The following CRKL variants were observed in gnomAD, a reference collection of about 807,000 sequenced individuals.
CRKL encodes crk-like protein.
A neutral mutation model predicts 23.0 loss-of-function variants in CRKL; 3 were observed. That is an observed-to-expected ratio of 0.13 (90% CI 0.06 to 0.34). The LOEUF (loss-of-function observed/expected upper bound fraction) is 0.34, where lower values mean the gene tolerates loss of function less well. CRKL is among the 10% of genes least tolerant of loss of function. The pLI, the probability that CRKL is intolerant of heterozygous loss-of-function variation, is 1.00. For synonymous variants in CRKL, 188 were observed against 160.7 expected (o/e 1.17, Z -1.28); for missense variants, 256 against 394.5 (o/e 0.65, Z 2.97).
intron 1 of CRKL, among the ~76,000 whole-genome samples, chr22:20,930,680 C>CTT (rs151090592): frequency 5.2e-4 from 25 of 48,050 alleles, no homozygotes; most frequent in Admixed American, 2.1e-3. Flanking sequence ...ACACGCCTGG[C>CTT]TTTTTTTTTT....
intron 1 of CRKL, among the ~76,000 whole-genome samples, chr22:20,921,515 T>TACAGGAGGGACCTGTAGA (rs11269946): frequency 6.6e-6 from 1 of 150,704 alleles, no homozygotes; most frequent in Admixed American, 6.6e-5. Context: ...AAGATCAATA[T>TACAGGAGGGACCTGTAGA]ACAGGAGGGA....
intron 1 of CRKL, among the ~76,000 whole-genome samples, chr22:20,932,013 G>A (rs1022330861): frequency 3.3e-5 from 5 of 151,590 alleles, no homozygotes; most frequent in East Asian, 2.0e-4. Context: ...GGGTTTCACC[G>A]TGTTAGCCAG....
chr22:20,920,809 TCCTA>T (rs1405690113), intron 1 of CRKL, among the ~76,000 whole-genome samples: 1 of 152,180 alleles, frequency 6.6e-6, no homozygotes, highest in African/African-American at 2.4e-5. Context: ...TCTGTTGAAA[TCCTA>T]CCTGTTGTTC....
At chr22:20,938,456 C>T (rs5752284) in intron 2 of CRKL, among the ~76,000 whole-genome samples, 116,387 of 152,048 alleles carry the variant, frequency 0.77, 45,129 homozygotes, top group East Asian at 0.92. Context: ...TAGCTGTAGA[C>T]AGGTGAGCAT....
intron 1 of CRKL, among the ~76,000 whole-genome samples, chr22:20,924,571 A>C (rs1217069195): frequency 6.6e-6 from 1 of 152,146 alleles, no homozygotes; most frequent in Non-Finnish European, 1.5e-5. Flanking sequence ...ATACAAGAAC[A>C]TGGCCAGGTG....
chr22:20,952,741 G>C lies in CRKL; in HGVS notation c.*2896G>C, dbSNP rs1420865101. On this transcript the variant is annotated 3_prime_UTR_variant, in exon 3 of 3. Transcript: ENST00000354336. ...TCACTATGGTTTTTCACCTGGGAAGGAAACAAATTACGTACTAGAGGGCAT... is the reference window on the plus strand; with the variant it reads ...TCACTATGGTTTTTCACCTGGGAAGCAAACAAATTACGTACTAGAGGGCAT... 1 of 231,764 alleles carries C rather than the reference G, an allele frequency of 4.3e-6. No individual in the cohort carries two copies. The highest frequency in any genetic ancestry group is 8.5e-6 in the Non-Finnish European group (1 of 117,236). The allele number at this position is 231,764 out of a possible 1,614,324, so 14.4% of individuals were successfully genotyped here.
intron 1 of CRKL, among the ~76,000 whole-genome samples, chr22:20,929,095 CAA>C (rs1429096484): frequency 3.3e-5 from 5 of 152,078 alleles, no homozygotes; most frequent in African/African-American, 1.2e-4. Flanking sequence ...GGACAATAGG[CAA>C]AAAGTGAGAA....
At chr22:20,949,653 T>G in intron 2 of CRKL, 58 bp from the exon 3 acceptor site, 6 of 1,601,342 alleles carry the variant, frequency 3.7e-6, no homozygotes, top group Non-Finnish European at 5.1e-6. Flanking sequence ...TGATTTAATG[T>G]AAACTGTCTT....
At chr22:20,925,047 G>A (rs905756116) in intron 1 of CRKL, among the ~76,000 whole-genome samples, 1 of 152,028 alleles carries the variant, frequency 6.6e-6, no homozygotes, top group African/African-American at 2.4e-5. Context: ...AACTAGCTGG[G>A]CGTGGTGGCA....
chr22:20,949,449 A>T (rs1285134196), intron 2 of CRKL, among the ~76,000 whole-genome samples: 3 of 152,186 alleles, frequency 2.0e-5, no homozygotes, highest in South Asian at 4.1e-4. Context: ...ATAAAAAATT[A>T]AAAAATAATG....
Position 20,933,037 on chromosome 22 carries a change from G to A in CRKL, c.312-742G>A, listed in dbSNP as rs146550492. 4.1e-3 allele frequency among the ~76,000 whole-genome samples: 620 copies of A among 151,660 alleles called. 8 individuals carry two copies. Among genetic ancestry groups the A allele is most frequent in the Admixed American group, 0.011 (170 of 15,188 alleles). On this transcript the variant is annotated intron_variant, in intron 1 of 2. Transcript: ENST00000354336. Reference sequence around the variant, plus strand: ...AGAGGTTACAGTGAACTGAAATTGCGCTACTGCACTCCAGCCTGGGTGACA... The same window carrying A: ...AGAGGTTACAGTGAACTGAAATTGCACTACTGCACTCCAGCCTGGGTGACA...
chr22:20,945,344 T>G (rs903986648), intron 2 of CRKL, among the ~76,000 whole-genome samples: 3 of 152,108 alleles, frequency 2.0e-5, no homozygotes, highest in Non-Finnish European at 4.4e-5. Context: ...GCAACTGATA[T>G]CTATGTGTTG....
chr22:20,922,741 C>G (rs1921039661), intron 1 of CRKL, among the ~76,000 whole-genome samples: 1 of 152,124 alleles, frequency 6.6e-6, no homozygotes, highest in East Asian at 1.9e-4. Flanking sequence ...GTGGCATAAT[C>G]TGGGCTCACT....
Position 20,917,871 on chromosome 22 carries a change from A to C in CRKL, c.-64A>C. 6.6e-7 allele frequency: 1 copy of C among 1,509,194 alleles called. No homozygotes were observed. The highest frequency in any genetic ancestry group is 2.2e-4 in the Middle Eastern group (1 of 4,552). 93.5% of individuals were successfully genotyped at this position (1,509,194 alleles called of 1,614,324 possible). ...GGCCCCAAAGCCGTCTGCCGGGCTAAGGCGTGCAGAGCAGGCGAGGACAGC... is the reference window on the plus strand; with the variant it reads ...GGCCCCAAAGCCGTCTGCCGGGCTACGGCGTGCAGAGCAGGCGAGGACAGC... On this transcript the variant is annotated 5_prime_UTR_variant, in exon 1 of 3. Transcript: ENST00000354336.
chr22:20,927,673 T>A (rs1256766362), intron 1 of CRKL, among the ~76,000 whole-genome samples: 2 of 148,946 alleles, frequency 1.3e-5, no homozygotes, highest in African/African-American at 4.9e-5. Context: ...TGAAACCCTG[T>A]CTCTACTAAA....
Position 20,952,155 on chromosome 22 carries a change from T to G in CRKL, c.*2310T>G, listed in dbSNP as rs1452580622. 4.4e-6 allele frequency: 1 copy of G among 227,412 alleles called. No homozygotes were observed. The highest frequency in any genetic ancestry group is 8.7e-6 in the Non-Finnish European group (1 of 115,502). 14.1% of individuals were successfully genotyped at this position (227,412 alleles called of 1,614,324 possible). A position where few individuals can be genotyped will look rare whatever the true frequency, so the allele number is the denominator to read the frequency against. On this transcript the variant is annotated 3_prime_UTR_variant, in exon 3 of 3. Transcript: ENST00000354336. The stretch of plus-strand genomic sequence containing the variant: ...GCCTTGTTCAAGGAGGGCACGACCC[T>G]TAGGCCTTTTTCAACCAGATTTAGC...
chr22:20,946,229 C>T (rs888479586), intron 2 of CRKL, among the ~76,000 whole-genome samples: 2 of 152,172 alleles, frequency 1.3e-5, no homozygotes, highest in Non-Finnish European at 2.9e-5. Flanking sequence ...TTGGGCCCTC[C>T]AGTGCGTTGA....
rs1922254743 is a variant in CRKL at position 20,951,005 on chromosome 22, T to A, written c.*1160T>A. The A allele has an allele frequency of 4.3e-6, 1 of 232,664 alleles. No individual in the cohort carries two copies. Among genetic ancestry groups the A allele is most frequent in the African/African-American group, 2.2e-5 (1 of 45,320 alleles). 14.4% of individuals were successfully genotyped at this position (232,664 alleles called of 1,614,324 possible). A position where few individuals can be genotyped will look rare whatever the true frequency, so the allele number is the denominator to read the frequency against. Reference sequence around the variant, plus strand: ...GAGTTGGGGGTACTTTAGGGAAACCTTTGCTTACCTTGTTTTGCCAGTGAT... The same window carrying A: ...GAGTTGGGGGTACTTTAGGGAAACCATTGCTTACCTTGTTTTGCCAGTGAT... On this transcript the variant is annotated 3_prime_UTR_variant, in exon 3 of 3. Transcript: ENST00000354336.
In CRKL at chr22:20,929,231, C is replaced by T. The variant is rs371817554; in HGVS notation, c.312-4548C>T. Among the ~76,000 whole-genome samples, 14 of 152,174 alleles carry T rather than the reference C, an allele frequency of 9.2e-5. 1 individual carries two copies. In the East Asian group the frequency reaches 2.7e-3, roughly 29 times the overall value. The stretch of plus-strand genomic sequence containing the variant: ...CCAGACTGGAGTGCAGTGGCGCGAT[C>T]TCGGCTCACTGCAAGCTCTGCCTCC... On this transcript the variant is annotated intron_variant, in intron 1 of 2. Coordinates refer to ENST00000354336, the MANE Select transcript of CRKL (RefSeq NM_005207.4).
Sources: gnomAD v4.1 joint callset for allele counts (sites outside exome capture counted in the v4.1 genomes callset) on GRCh38, gnomAD v4.1.1 for gene constraint, MANE v1.5 for transcripts, NCBI Gene and HGNC (gene_info 2026-07-23, HGNC 2026-07-21) for gene names.